The following ITGAM variants were observed in gnomAD, a reference collection of about 807,000 sequenced individuals.
The protein encoded by ITGAM is integrin subunit alpha M.
A neutral mutation model predicts 137.5 loss-of-function variants in ITGAM; 79 were observed. The ratio of observed to expected loss-of-function variants is 0.57; its 90% CI spans 0.48 to 0.69. The LOEUF (loss-of-function observed/expected upper bound fraction) is 0.69. Among genes scored for constraint, ITGAM ranks in the 30% least tolerant of loss-of-function variants. ITGAM has a pLI of 0.00. For synonymous variants in ITGAM, 583 were observed against 592.3 expected (o/e 0.98, Z 0.23); for missense variants, 1,343 against 1,483.5 (o/e 0.91, Z 1.56).
intron 14 of ITGAM, among the ~76,000 whole-genome samples, chr16:31,302,333 G>T (rs942304321): frequency 2.6e-5 from 4 of 151,824 alleles, no homozygotes; most frequent in African/African-American, 9.7e-5. Flanking sequence ...AGTGCTGTGA[G>T]GGCATTACTT....
intron 7 of ITGAM, among the ~76,000 whole-genome samples, chr16:31,272,388 A>G (rs1333825224): frequency 7.9e-6 from 1 of 127,032 alleles, no homozygotes; most frequent in African/African-American, 2.8e-5. Flanking sequence ...GAGCTGGTGC[A>G]GTGCTCTGGG....
chr16:31,275,706 C>T lies in ITGAM; in HGVS notation c.1009+7C>T, dbSNP rs1338836822. The T allele has an allele frequency of 2.5e-6, 4 of 1,613,520 alleles. No individual in the cohort carries two copies. The highest frequency in any genetic ancestry group is 3.4e-6 in the Non-Finnish European group (4 of 1,179,706). On this transcript the variant is annotated splice_region_variant and intron_variant, in intron 9 of 29. Transcript: ENST00000544665. The stretch of plus-strand genomic sequence containing the variant: ...AAGATCTTTGCGATCGAGGGTGAGT[C>T]AGGCATCTGTGTTCCCAGAGCAGCT...
At chr16:31,302,733 C>T (rs1218031923) in intron 14 of ITGAM, among the ~76,000 whole-genome samples, 1 of 151,874 alleles carries the variant, frequency 6.6e-6, no homozygotes, top group Admixed American at 6.6e-5. Flanking sequence ...GACGGGGTTT[C>T]ACCATGTTGG....
At chr16:31,265,663 C>G in intron 3 of ITGAM, 148 bp from the exon 4 acceptor site, 1 of 784,922 alleles carries the variant, frequency 1.3e-6, no homozygotes, top group Non-Finnish European at 2.0e-6. Context: ...CAGGCAACCC[C>G]TCTGTGTTCC....
At chr16:31,308,780 T>C (rs1255482592) in intron 14 of ITGAM, among the ~76,000 whole-genome samples, 2 of 152,170 alleles carry the variant, frequency 1.3e-5, no homozygotes, top group African/African-American at 2.4e-5. Flanking sequence ...CTTTCTCTTA[T>C]GGGCATTTAG....
chr16:31,331,874 T>TGTG lies in ITGAM; in HGVS notation c.*167_*168insGTG. On this transcript the variant is annotated 3_prime_UTR_variant, in exon 30 of 30. Transcript: ENST00000544665. ...GTGTGTATGTGCGTGTGTGCAAGTG[T>TGTG]CTGTGTGCAAGTGTGTGCACATGTG... 1 of 580,254 alleles carries TGTG rather than the reference T, an allele frequency of 1.7e-6. No homozygotes were observed. The highest frequency in any genetic ancestry group is 2.0e-5 in the South Asian group (1 of 49,192). 35.9% of individuals were successfully genotyped at this position (580,254 alleles called of 1,614,324 possible).
At chr16:31,273,193 G>A (rs1358520461) in intron 7 of ITGAM, among the ~76,000 whole-genome samples, 172 bp from the exon 8 acceptor site, 1 of 152,042 alleles carries the variant, frequency 6.6e-6, no homozygotes, top group East Asian at 1.9e-4. Flanking sequence ...GTACTCAGGA[G>A]GCTGAGGCAG....
At position 31,265,916 on chromosome 16, in the gene ITGAM, G is replaced by A. The variant is rs201972741; in HGVS notation, c.309+35G>A. 4.7e-5 allele frequency: 76 copies of A among 1,606,190 alleles called. 1 individual carries two copies. The East Asian group carries it at 1.7e-3, about 35-fold the overall frequency. On this transcript the variant is annotated intron_variant, in intron 4 of 29. Transcript: ENST00000544665. ...GCTCGATCAGAGGAGCATCCTAATG[G>A]GGGTGTTTGGGGGCCCACGCATGGT...
At chr16:31,312,703 A>G (rs1483797969) in intron 14 of ITGAM, among the ~76,000 whole-genome samples, 1 of 151,956 alleles carries the variant, frequency 6.6e-6, no homozygotes, top group Admixed American at 6.6e-5. Context: ...TGCTGGGACT[A>G]CTGGTGTGAG....
intron 12 of ITGAM, among the ~76,000 whole-genome samples, chr16:31,294,963 C>A (rs1164723766): frequency 1.3e-5 from 2 of 152,112 alleles, no homozygotes; most frequent in Non-Finnish European, 2.9e-5. Flanking sequence ...CTCCCCACAC[C>A]ATTTGTTGAA....
chr16:31,311,965 A>G (rs1597025188), intron 14 of ITGAM, among the ~76,000 whole-genome samples: 1 of 152,004 alleles, frequency 6.6e-6, no homozygotes, highest in African/African-American at 2.4e-5. Context: ...ATAAAAAAGG[A>G]TGAGTTCATG....
chr16:31,303,836 T>C (rs531195507), intron 14 of ITGAM, among the ~76,000 whole-genome samples: 1 of 152,312 alleles, frequency 6.6e-6, no homozygotes, highest in Admixed American at 6.5e-5. Flanking sequence ...CACACATATA[T>C]ATAACTTTTT....
At position 31,330,116 on chromosome 16, in the gene ITGAM, G is replaced by C. The variant is rs963029367; in HGVS notation, c.3012G>C (p.Leu1004Phe). Reference sequence around the variant, plus strand: ...GTACGTGCCACACCAAGGAGCGCTTGCCCTCTCACTCCGACTTTCTGGCTG... The same window carrying C: ...GTACGTGCCACACCAAGGAGCGCTTCCCCTCTCACTCCGACTTTCTGGCTG... ...LSSTCHTKER[L>F]PSHSDFLAEL... The change falls in exon 26 of 30, where the codon TTG (leucine) becomes TTC (phenylalanine). Residue 1004 changes from leucine (L) to phenylalanine (F), a missense_variant. Leu to Phe is a conservative substitution (Grantham distance 22). Coordinates refer to ENST00000544665, the MANE Select transcript of ITGAM (RefSeq NM_000632.4). The C allele has an allele frequency of 6.2e-7, 1 of 1,613,840 alleles. No homozygotes were observed. The highest frequency in any genetic ancestry group is 8.5e-7 in the Non-Finnish European group (1 of 1,179,830).
intron 5 of ITGAM, among the ~76,000 whole-genome samples, chr16:31,270,075 G>T (rs2079811607): frequency 7.0e-6 from 1 of 143,480 alleles, no homozygotes; most frequent in Admixed American, 6.8e-5. Flanking sequence ...CCCTTTTCTA[G>T]AATCTACTCC....
chr16:31,290,649 A>G (rs2080078308), intron 12 of ITGAM, among the ~76,000 whole-genome samples: 1 of 152,230 alleles, frequency 6.6e-6, no homozygotes, highest in African/African-American at 2.4e-5. Flanking sequence ...GTGAAAGAGA[A>G]TGCTTTTCAC....
Position 31,260,239 on chromosome 16 carries a change from G to C in ITGAM, c.28+147G>C. 4.6e-6 allele frequency: 3 copies of C among 658,208 alleles called. No individual in the cohort carries two copies. The South Asian group carries it at 5.7e-5, about 13-fold the overall frequency. The allele number at this position is 658,208 out of a possible 1,614,324, so 40.8% of individuals were successfully genotyped here. A position where few individuals can be genotyped will look rare whatever the true frequency, so the allele number is the denominator to read the frequency against. ...AGGAGAAAGGGTTCAAGAAGAAGCA[G>C]GGAGAACAGCTAGACCCAGACAGGC... On this transcript the variant is annotated intron_variant, in intron 1 of 29. Transcript: ENST00000544665.
intron 5 of ITGAM, among the ~76,000 whole-genome samples, chr16:31,266,417 TAAAAA>T (rs11331941): frequency 7.7e-6 from 1 of 129,606 alleles, no homozygotes; most frequent in African/African-American, 2.9e-5. Context: ...ATCCTGTCTC[TAAAAA>T]AAAAAAAAAA....
At chr16:31,276,163 C>T (rs1012556062) in intron 9 of ITGAM, among the ~76,000 whole-genome samples, 14 of 152,156 alleles carry the variant, frequency 9.2e-5, no homozygotes, top group Non-Finnish European at 1.3e-4. Context: ...CCTTGAAGAC[C>T]GCATTCCCAC....
chr16:31,272,453 ATATATATATATTTT>A (rs1567250277), intron 7 of ITGAM, among the ~76,000 whole-genome samples: 1 of 12,206 alleles, frequency 8.2e-5, no homozygotes, highest in Non-Finnish European at 1.4e-4. Flanking sequence ...ATATATATAT[ATATATATATATTTT>A]TTTTTTTTTT....
Sources: gnomAD v4.1 joint callset for allele counts (sites outside exome capture counted in the v4.1 genomes callset) on GRCh38, gnomAD v4.1.1 for gene constraint, MANE v1.5 for transcripts, NCBI Gene and HGNC (gene_info 2026-07-23, HGNC 2026-07-21) for gene names.